The following MECOM variants were observed in gnomAD, a reference collection of about 807,000 sequenced individuals.
MECOM encodes MDS1 and EVI1 complex locus, also known as histone-lysine N-methyltransferase MECOM.
A neutral mutation model predicts 116.3 loss-of-function variants in MECOM; 13 were observed. The ratio of observed to expected loss-of-function variants is 0.11; its 90% CI spans 0.07 to 0.18. MECOM has a LOEUF of 0.18. Ranked by LOEUF, MECOM falls within the 10% of genes least tolerant of loss-of-function variation. MECOM has a pLI of 1.00. For synonymous variants in MECOM, 528 were observed against 535.2 expected (o/e 0.99, Z 0.19); for missense variants, 1,299 against 1,509.0 (o/e 0.86, Z 2.31).
chr3:169,322,997 T>TAAA lies in MECOM; in HGVS notation c.375+58187_375+58189dup, dbSNP rs748984561. Among the ~76,000 whole-genome samples the TAAA allele has an allele frequency of 3.4e-3, 188 of 56,034 alleles. 16 individuals carry two copies. The highest frequency in any genetic ancestry group is 0.012 in the African/African-American group (176 of 14,252). The allele number at this position is 56,034 out of a possible 152,430, so 36.8% of individuals were successfully genotyped here. On this transcript the variant is annotated intron_variant, in intron 2 of 16. Coordinates refer to ENST00000651503, the MANE Select transcript of MECOM (RefSeq NM_004991.4). ...CCTGCATGACAGAGCAAGACTCCGG[T>TAAA]AAAAAAAAAAAAAAAAAAAAAAAAA...
chr3:169,146,337 C>T (rs1739907425), intron 2 of MECOM: 2 of 1,310,938 alleles, frequency 1.5e-6, no homozygotes, highest in African/African-American at 1.5e-5. Flanking sequence ...TCCAAAGTCG[C>T]GTGGCCAGTG....
intron 2 of MECOM, among the ~76,000 whole-genome samples, chr3:169,287,539 T>G (rs898797680): frequency 5.9e-5 from 9 of 152,188 alleles, no homozygotes; most frequent in African/African-American, 2.2e-4. Flanking sequence ...AATGGGAATA[T>G]AGATTTTTGT....
At chr3:169,439,179 T>C (rs1355851432) in intron 1 of MECOM, among the ~76,000 whole-genome samples, 4 of 147,444 alleles carry the variant, frequency 2.7e-5, no homozygotes, top group Non-Finnish European at 6.0e-5. Context: ...ATCCAGAATA[T>C]ATTAGTATCC....
chr3:169,271,156 A>G (rs1758898761), intron 2 of MECOM, among the ~76,000 whole-genome samples: 1 of 152,178 alleles, frequency 6.6e-6, no homozygotes, highest in Non-Finnish European at 1.5e-5. Flanking sequence ...GTATGCATCA[A>G]ACTCATGCAA....
chr3:169,465,956 A>G (rs1366805847), intron 1 of MECOM, among the ~76,000 whole-genome samples: 1 of 152,216 alleles, frequency 6.6e-6, no homozygotes, highest in Non-Finnish European at 1.5e-5. Flanking sequence ...ACACTATGCT[A>G]CTTAGGAACC....
At chr3:169,589,994 C>T (rs1042988422) in intron 1 of MECOM, among the ~76,000 whole-genome samples, 8 of 152,206 alleles carry the variant, frequency 5.3e-5, no homozygotes, top group African/African-American at 1.9e-4. Context: ...TTTTATTCAG[C>T]ACTACCCTTT....
intron 13 of MECOM, 87 bp downstream of exon 13, chr3:169,094,989 T>C (rs538788685): frequency 1.6e-6 from 2 of 1,216,076 alleles, no homozygotes; most frequent in East Asian, 5.3e-5. Context: ...CAAAATGGAA[T>C]AAAAGAAGAA....
intron 2 of MECOM, among the ~76,000 whole-genome samples, chr3:169,368,938 C>G (rs1033544024): frequency 6.6e-6 from 1 of 151,910 alleles, no homozygotes; most frequent in East Asian, 1.9e-4. Context: ...GTTTCCTAAC[C>G]GGAAGACAAA....
chr3:169,134,406 T>C (rs1024659163), intron 3 of MECOM, among the ~76,000 whole-genome samples: 1 of 152,168 alleles, frequency 6.6e-6, no homozygotes, highest in African/African-American at 2.4e-5. Flanking sequence ...AAAGGTGACA[T>C]TCCAAGCCAT....
At chr3:169,479,673 A>G (rs2108843166) in intron 1 of MECOM, among the ~76,000 whole-genome samples, 1 of 148,486 alleles carries the variant, frequency 6.7e-6, no homozygotes, top group Non-Finnish European at 1.5e-5. Context: ...AAAAAAAAAA[A>G]AAAATTTGCC....
chr3:169,514,172 C>T (rs191541676), intron 1 of MECOM, among the ~76,000 whole-genome samples: 27 of 152,218 alleles, frequency 1.8e-4, no homozygotes, highest in Admixed American at 7.8e-4. Flanking sequence ...ATGTCCAGTG[C>T]TTAAGTGAAC....
intron 1 of MECOM, among the ~76,000 whole-genome samples, chr3:169,658,134 G>C (rs1226762394): frequency 6.6e-6 from 1 of 152,216 alleles, no homozygotes; most frequent in Non-Finnish European, 1.5e-5. Flanking sequence ...GTGGCTAGTG[G>C]AGTGGGGAAG....
chr3:169,569,024 C>G (rs1763576475), intron 1 of MECOM, among the ~76,000 whole-genome samples: 1 of 151,962 alleles, frequency 6.6e-6, no homozygotes, highest in African/African-American at 2.4e-5. Context: ...GCTAAATGCC[C>G]CAATTAAAAG....
intron 2 of MECOM, among the ~76,000 whole-genome samples, chr3:169,339,528 C>A (rs1003418411): frequency 6.6e-6 from 1 of 152,184 alleles, no homozygotes; most frequent in African/African-American, 2.4e-5. Flanking sequence ...AAAGTGTGAT[C>A]CCTGGACCAG....
chr3:169,368,362 T>C (rs1037039256), intron 2 of MECOM, among the ~76,000 whole-genome samples: 2 of 152,198 alleles, frequency 1.3e-5, no homozygotes, highest in South Asian at 4.1e-4. Flanking sequence ...AGAAGCATTT[T>C]ATCAAAATGA....
In MECOM at chr3:169,237,333, G is replaced by A. The variant is rs184514959; in HGVS notation, c.376-93501C>T. ...CTGAAATGTAAAATCTTATCCTCAA[G>A]CATGAGAGTCAGAACTCTTGTCTGA... On this transcript the variant is annotated intron_variant, in intron 2 of 16. Coordinates refer to ENST00000651503, the MANE Select transcript of MECOM (RefSeq NM_004991.4). 1.5e-3 allele frequency among the ~76,000 whole-genome samples: 221 copies of A among 152,110 alleles called. 1 individual carries two copies. Among genetic ancestry groups the A allele is most frequent in the African/African-American group, 5.2e-3 (216 of 41,524 alleles).
chr3:169,519,794 C>T (rs139394246), intron 1 of MECOM, among the ~76,000 whole-genome samples: 14 of 152,350 alleles, frequency 9.2e-5, no homozygotes, highest in African/African-American at 2.4e-4. Context: ...TTTGACTGCT[C>T]AGCATCCATT....
intron 15 of MECOM, among the ~76,000 whole-genome samples, chr3:169,089,683 G>A (rs965241494): frequency 2.6e-5 from 4 of 152,020 alleles, no homozygotes; most frequent in East Asian, 1.9e-4. Context: ...ATTAGATAAC[G>A]TCAAAATCTC....
At chr3:169,357,638 C>CA (rs1195871413) in intron 2 of MECOM, among the ~76,000 whole-genome samples, 2 of 151,576 alleles carry the variant, frequency 1.3e-5, no homozygotes, top group African/African-American at 2.4e-5. Flanking sequence ...CCTGCATCCT[C>CA]AAAAAAAGAC....
Sources: allele counts gnomAD v4.1 joint callset (sites outside exome capture counted in the v4.1 genomes callset), GRCh38; gene constraint gnomAD v4.1.1; transcripts MANE v1.5; gene names NCBI Gene and HGNC (gene_info 2026-07-23, HGNC 2026-07-21).